Variants in COL25A1 observed in about 807,000 individuals in gnomAD.
The protein encoded by COL25A1 is collagen type XXV alpha 1 chain.
COL25A1 carries 103 observed loss-of-function variants against 128.4 expected under a neutral mutation model. That is an observed-to-expected ratio of 0.80 (90% CI 0.68 to 0.94). COL25A1 has a LOEUF of 0.94. Ranked by LOEUF, COL25A1 falls within the 40% of genes least tolerant of loss-of-function variation. The pLI, the probability that COL25A1 is intolerant of heterozygous loss-of-function variation, is 0.00. For synonymous variants in COL25A1, 279 were observed against 277.2 expected (o/e 1.01, Z -0.06); for missense variants, 745 against 840.0 (o/e 0.89, Z 1.40).
At chr4:108,946,910 A>T (rs556891587) in intron 8 of COL25A1, among the ~76,000 whole-genome samples, 2 of 152,298 alleles carry the variant, frequency 1.3e-5, no homozygotes, top group Non-Finnish European at 2.9e-5. Context: ...TTCAATTGTT[A>T]TTAAGGAAGT....
intron 3 of COL25A1, among the ~76,000 whole-genome samples, chr4:109,156,283 G>A (rs368802373): frequency 8.5e-5 from 13 of 152,286 alleles, no homozygotes; most frequent in African/African-American, 2.4e-4. Context: ...TTTAGACCCA[G>A]GTTTTGAAGC....
intron 3 of COL25A1, among the ~76,000 whole-genome samples, chr4:109,273,122 G>A (rs1782313554): frequency 6.6e-6 from 1 of 152,126 alleles, no homozygotes; most frequent in South Asian, 2.1e-4. Flanking sequence ...GGGATGAAAA[G>A]AGGTCCGATG....
chr4:109,246,777 A>C (rs1780294884), intron 3 of COL25A1, among the ~76,000 whole-genome samples: 1 of 152,088 alleles, frequency 6.6e-6, no homozygotes, highest in African/African-American at 2.4e-5. Flanking sequence ...TAAACTTGTT[A>C]AATCATTAAG....
chr4:108,862,374 A>G, intron 22 of COL25A1, 127 bp downstream of exon 22: 1 of 726,790 alleles, frequency 1.4e-6, no homozygotes, highest in South Asian at 1.7e-5. Context: ...TTTTGCAATA[A>G]GTATTGCAGT....
intron 27 of COL25A1, among the ~76,000 whole-genome samples, chr4:108,848,130 G>A (rs1259151804): frequency 6.6e-6 from 1 of 152,106 alleles, no homozygotes; most frequent in African/African-American, 2.4e-5. Context: ...AAAAATTGTT[G>A]AGGTGTTAAC....
rs1354972704 is a variant in COL25A1 at position 109,012,830 on chromosome 4, T to A, written c.421-2455A>T. Among the ~76,000 whole-genome samples the A allele has an allele frequency of 7.9e-5, 12 of 152,230 alleles. No individual in the cohort carries two copies. In the East Asian group the frequency reaches 2.3e-3, roughly 30 times the overall value. ...CCCTGCTCCGCAGCACCCAGTCCCA[T>A]CGACAGCCCAAGGGCTGAGGAGTGC... On this transcript the variant is annotated intron_variant, in intron 5 of 37. Coordinates refer to ENST00000399132, the MANE Select transcript of COL25A1 (RefSeq NM_198721.4).
At chr4:108,907,962 C>G (rs35652140) in intron 13 of COL25A1, among the ~76,000 whole-genome samples, 72,738 of 151,902 alleles carry the variant, frequency 0.48, 19,693 homozygotes, top group East Asian at 0.93. Flanking sequence ...GTGTGTGGGG[C>G]TGAATCAAAT....
chr4:108,913,099 T>C (rs1484485842), intron 13 of COL25A1, among the ~76,000 whole-genome samples: 1 of 151,940 alleles, frequency 6.6e-6, no homozygotes, highest in East Asian at 1.9e-4. Flanking sequence ...AAACAATCCC[T>C]ATGACTCTGC....
intron 3 of COL25A1, among the ~76,000 whole-genome samples, chr4:109,087,293 A>G (rs1407088832): frequency 6.6e-6 from 1 of 152,148 alleles, no homozygotes; most frequent in Non-Finnish European, 1.5e-5. Flanking sequence ...AGCAGCACGT[A>G]CAAGAAACCT....
chr4:108,899,130 A>T (rs778828976), intron 15 of COL25A1, 24 bp downstream of exon 15: 6 of 1,606,384 alleles, frequency 3.7e-6, no homozygotes, highest in Non-Finnish European at 5.1e-6. Flanking sequence ...AGGGAGAGAG[A>T]AATACAGGCA....
chr4:108,998,847 A>C (rs1755049496), intron 6 of COL25A1, among the ~76,000 whole-genome samples: 1 of 152,238 alleles, frequency 6.6e-6, no homozygotes, highest in Non-Finnish European at 1.5e-5. Context: ...CAAGCCTGAC[A>C]AAAACAAGCA....
At chr4:109,159,142 T>C (rs983975443) in intron 3 of COL25A1, among the ~76,000 whole-genome samples, 2 of 151,580 alleles carry the variant, frequency 1.3e-5, no homozygotes, top group Admixed American at 1.3e-4. Flanking sequence ...TGCTTCAAAG[T>C]AGAGAAGAAG....
intron 11 of COL25A1, among the ~76,000 whole-genome samples, chr4:108,936,789 C>T (rs1023325199): frequency 8.6e-6 from 1 of 116,352 alleles, no homozygotes; most frequent in African/African-American, 3.0e-5. Context: ...CTAGGACCTA[C>T]CTGTTTCTTA....
At chr4:108,959,915 C>T (rs1242411504) in intron 8 of COL25A1, among the ~76,000 whole-genome samples, 1 of 152,082 alleles carries the variant, frequency 6.6e-6, no homozygotes, top group East Asian at 1.9e-4. Flanking sequence ...TCCAGATATT[C>T]CCCTCTTCCT....
At chr4:109,217,865 C>A (rs1280455780) in intron 3 of COL25A1, among the ~76,000 whole-genome samples, 1 of 152,146 alleles carries the variant, frequency 6.6e-6, no homozygotes, top group Non-Finnish European at 1.5e-5. Flanking sequence ...ATAGACACAA[C>A]CATTCTTTTC....
intron 3 of COL25A1, among the ~76,000 whole-genome samples, chr4:109,060,217 G>T (rs985468885): frequency 1.3e-5 from 2 of 152,200 alleles, no homozygotes; most frequent in Admixed American, 6.5e-5. Flanking sequence ...TGAAGACACA[G>T]CATCTGTGCC....
chr4:109,103,911 A>T (rs934045689), intron 3 of COL25A1, among the ~76,000 whole-genome samples: 3 of 152,216 alleles, frequency 2.0e-5, no homozygotes, highest in Non-Finnish European at 4.4e-5. Flanking sequence ...AAATGACTTC[A>T]TTATTTTGAA....
chr4:108,829,740 A>C (rs906683274), intron 32 of COL25A1, among the ~76,000 whole-genome samples: 26 of 152,202 alleles, frequency 1.7e-4, no homozygotes, highest in Non-Finnish European at 1.0e-4. Context: ...GCCCACCCCC[A>C]AAAATTACTT....
intron 11 of COL25A1, among the ~76,000 whole-genome samples, chr4:108,922,643 G>A (rs1223764311): frequency 6.6e-6 from 1 of 152,052 alleles, no homozygotes; most frequent in Non-Finnish European, 1.5e-5. Flanking sequence ...GATTTAGAAT[G>A]ACTAATCACA....
Sources: allele counts gnomAD v4.1 joint callset (sites outside exome capture counted in the v4.1 genomes callset), GRCh38; gene constraint gnomAD v4.1.1; transcripts MANE v1.5; gene names NCBI Gene and HGNC (gene_info 2026-07-23, HGNC 2026-07-21).